The following DIP2C variants were observed in gnomAD, a reference collection of about 807,000 sequenced individuals.
DIP2C encodes DIP2 acetate--CoA ligase C (putative).
Under a neutral mutation model 192.4 loss-of-function variants are expected in DIP2C, and 33 were observed. The ratio of observed to expected loss-of-function variants is 0.17; its 90% CI spans 0.13 to 0.23. The LOEUF is 0.23. Among genes scored for constraint, DIP2C ranks in the 10% least tolerant of loss-of-function variants. The pLI, the probability that DIP2C is intolerant of heterozygous loss-of-function variation, is 1.00. For synonymous variants in DIP2C, 979 were observed against 864.1 expected, an observed-to-expected ratio of 1.13 and a Z score of -2.33; for missense variants, 1,537 against 2,110.1, an observed-to-expected ratio of 0.73 and a Z score of 5.32.
chr10:578,219 G>A (rs1000338656), intron 1 of DIP2C, among the ~76,000 whole-genome samples: 1 of 152,104 alleles, frequency 6.6e-6, no homozygotes, highest in African/African-American at 2.4e-5. Context: ...CGTTAACAAA[G>A]AAGATACTGC....
chr10:340,865 C>T (rs1356433267), intron 29 of DIP2C: 1 of 468,954 alleles, frequency 2.1e-6, no homozygotes, highest in East Asian at 6.5e-5. Context: ...GCTGGCCCAG[C>T]GAGAACCCAG....
At chr10:302,190 T>C (rs1237403677) in intron 32 of DIP2C, among the ~76,000 whole-genome samples, 1 of 152,190 alleles carries the variant, frequency 6.6e-6, no homozygotes, top group Non-Finnish European at 1.5e-5. Flanking sequence ...ATAATTGTAC[T>C]GAGACTTACA....
intron 1 of DIP2C, among the ~76,000 whole-genome samples, chr10:558,882 G>A (rs767749084): frequency 2.6e-4 from 40 of 152,234 alleles, no homozygotes; most frequent in Non-Finnish European, 4.0e-4. Context: ...AATAGAAGGA[G>A]ACTTGGAGAA....
At chr10:515,813 T>TCA (rs1217800469) in intron 1 of DIP2C, among the ~76,000 whole-genome samples, 2 of 152,090 alleles carry the variant, frequency 1.3e-5, no homozygotes, top group Admixed American at 1.3e-4. Context: ...GCAATGGTTA[T>TCA]CACCTGATTT....
At chr10:305,830 G>T (rs1462886490) in intron 32 of DIP2C, among the ~76,000 whole-genome samples, 1 of 152,080 alleles carries the variant, frequency 6.6e-6, no homozygotes, top group Non-Finnish European at 1.5e-5. Flanking sequence ...AAATGTTGTA[G>T]AGATGGAGTC....
chr10:586,387 G>T (rs1205221202), intron 1 of DIP2C, among the ~76,000 whole-genome samples: 1 of 152,124 alleles, frequency 6.6e-6, no homozygotes, highest in Non-Finnish European at 1.5e-5. Context: ...ACCACAAGCG[G>T]CCTTGCTAGG....
chr10:456,857 T>C (rs543167899), intron 3 of DIP2C, among the ~76,000 whole-genome samples: 2 of 152,284 alleles, frequency 1.3e-5, no homozygotes, highest in Admixed American at 1.3e-4. Flanking sequence ...CAAGACAGAG[T>C]GAAGGCAAGA....
At chr10:532,282 C>T (rs1020792072) in intron 1 of DIP2C, among the ~76,000 whole-genome samples, 5 of 152,174 alleles carry the variant, frequency 3.3e-5, no homozygotes, top group African/African-American at 4.8e-5. Flanking sequence ...CCTCCACCCC[C>T]GCAGTCATGC....
chr10:620,407 G>C (rs966922487), intron 1 of DIP2C, among the ~76,000 whole-genome samples: 23 of 152,262 alleles, frequency 1.5e-4, no homozygotes, highest in African/African-American at 5.3e-4. Flanking sequence ...TGGACTCAAA[G>C]AAAACGGCAC....
intron 1 of DIP2C, among the ~76,000 whole-genome samples, chr10:570,282 G>A (rs987946464): frequency 6.6e-6 from 1 of 152,174 alleles, no homozygotes; most frequent in Non-Finnish European, 1.5e-5. Flanking sequence ...GGTGGATTTT[G>A]TCGTGCCCAT....
chr10:610,212 G>A (rs1852985632), intron 1 of DIP2C, among the ~76,000 whole-genome samples: 2 of 152,194 alleles, frequency 1.3e-5, no homozygotes, highest in Admixed American at 1.3e-4. Flanking sequence ...AACGAGCCAA[G>A]CACAGAAAGA....
intron 1 of DIP2C, among the ~76,000 whole-genome samples, chr10:679,945 T>C (rs931915960): frequency 8.5e-5 from 13 of 152,170 alleles, no homozygotes; most frequent in African/African-American, 2.9e-4. Context: ...AGCGGCTATT[T>C]ACCAAGCAGG....
chr10:588,685 G>A (rs565998076), intron 1 of DIP2C, among the ~76,000 whole-genome samples: 1 of 152,208 alleles, frequency 6.6e-6, no homozygotes, highest in Non-Finnish European at 1.5e-5. Flanking sequence ...CGTGAGGCAG[G>A]CAGCCTTCGA....
intron 1 of DIP2C, among the ~76,000 whole-genome samples, chr10:565,962 G>A (rs899327877): frequency 6.6e-6 from 1 of 152,178 alleles, no homozygotes; most frequent in Non-Finnish European, 1.5e-5. Flanking sequence ...CCACTCTCCT[G>A]CTGGAGGCAG....
intron 32 of DIP2C, among the ~76,000 whole-genome samples, chr10:303,332 C>A (rs1279751987): frequency 6.6e-6 from 1 of 152,224 alleles, no homozygotes; most frequent in Non-Finnish European, 1.5e-5. Context: ...AAACACTGTA[C>A]TCGTAAGCTA....
chr10:580,567 G>A (rs774870773), intron 1 of DIP2C, among the ~76,000 whole-genome samples: 2 of 151,984 alleles, frequency 1.3e-5, no homozygotes, highest in East Asian at 3.9e-4. Context: ...CACACATGTA[G>A]GACACATGTA....
At chr10:601,260 A>AG (rs1467690926) in intron 1 of DIP2C, among the ~76,000 whole-genome samples, 3 of 152,240 alleles carry the variant, frequency 2.0e-5, no homozygotes, top group African/African-American at 7.2e-5. Flanking sequence ...GTAAATCTCT[A>AG]GATAATCAGG....
chr10:584,838 A>C (rs1166541871), intron 1 of DIP2C, among the ~76,000 whole-genome samples: 1 of 116,122 alleles, frequency 8.6e-6, no homozygotes, highest in Non-Finnish European at 1.7e-5. Context: ...ACTCACGCGC[A>C]TCACCTCTCA....
At chr10:650,758 TTTAAG>T in intron 1 of DIP2C, 1 of 655,820 alleles carries the variant, frequency 1.5e-6, no homozygotes, top group Non-Finnish European at 2.8e-6. Context: ...CCTGCATAAG[TTTAAG>T]TTGTTTTCTG....
Sources: allele counts gnomAD v4.1 joint callset (sites outside exome capture counted in the v4.1 genomes callset), GRCh38; gene constraint gnomAD v4.1.1; transcripts MANE v1.5; gene names NCBI Gene and HGNC (gene_info 2026-07-23, HGNC 2026-07-21).